ZBTB46: variants seen among roughly 807,000 people sequenced by gnomAD.
ZBTB46 encodes the protein zinc finger and BTB domain-containing protein 46.
In ZBTB46, 8 loss-of-function variants were observed where a neutral mutation model predicts 44.1. The ratio of observed to expected loss-of-function variants is 0.18; its 90% CI spans 0.11 to 0.33. The LOEUF (loss-of-function observed/expected upper bound fraction) is 0.33. Among genes scored for constraint, ZBTB46 ranks in the 10% least tolerant of loss-of-function variants. ZBTB46 has a pLI of 1.00. For missense variants in ZBTB46, 651 were observed against 847.7 expected (o/e 0.77, Z 2.88); for synonymous variants, 409 against 382.3 (o/e 1.07, Z -0.81).
chr20:63,778,647 G>A (rs2092444008), intron 2 of ZBTB46, among the ~76,000 whole-genome samples: 1 of 152,218 alleles, frequency 6.6e-6, no homozygotes, highest in Non-Finnish European at 1.5e-5. Flanking sequence ...CAGGGACAGT[G>A]ACATTCGGAC....
At chr20:63,776,506 A>G (rs1440951786) in intron 2 of ZBTB46, among the ~76,000 whole-genome samples, 1 of 152,222 alleles carries the variant, frequency 6.6e-6, no homozygotes, top group African/African-American at 2.4e-5. Flanking sequence ...TTCAAAGGAT[A>G]CTACCAAGAA....
chr20:63,830,262 G>A (rs1443389742), intron 1 of ZBTB46, among the ~76,000 whole-genome samples: 1 of 152,198 alleles, frequency 6.6e-6, no homozygotes, highest in Admixed American at 6.5e-5. Flanking sequence ...CTCTGGCGCA[G>A]AGAATTCCCC....
At chr20:63,758,605 T>G (rs1426121400) in intron 3 of ZBTB46, among the ~76,000 whole-genome samples, 1 of 152,168 alleles carries the variant, frequency 6.6e-6, no homozygotes, top group East Asian at 1.9e-4. Flanking sequence ...CTAGATCCTT[T>G]GCATCTCCAA....
At chr20:63,796,897 C>T (rs1029965380) in intron 1 of ZBTB46, among the ~76,000 whole-genome samples, 8 of 152,022 alleles carry the variant, frequency 5.3e-5, no homozygotes, top group Admixed American at 1.3e-4. Flanking sequence ...AGGCCAGGCA[C>T]GGTGGCTCAG....
chr20:63,744,366 C>T lies in ZBTB46; in HGVS notation c.*2564G>A, dbSNP rs1287485223. ...CCCAGTGTACAACCTGGTCAGGATC[C>T]AGAGCTTGACAGAAAAATCGTGGTG... On this transcript the variant is annotated 3_prime_UTR_variant, in exon 5 of 5. Coordinates refer to ENST00000245663, the MANE Select transcript of ZBTB46 (RefSeq NM_001369741.1). The T allele has an allele frequency of 6.6e-6, 1 of 152,230 alleles. No individual in the cohort carries two copies. Among genetic ancestry groups the T allele is most frequent in the Non-Finnish European group, 1.5e-5 (1 of 68,066 alleles). The allele number at this position is 152,230 out of a possible 1,614,324, so 9.4% of individuals were successfully genotyped here.
chr20:63,802,690 C>CG (rs2092656058), intron 1 of ZBTB46, among the ~76,000 whole-genome samples: 1 of 139,452 alleles, frequency 7.2e-6, no homozygotes. Flanking sequence ...GGAACCGCCG[C>CG]GGCCGACGAC....
chr20:63,755,586 A>G (rs999867825), intron 3 of ZBTB46, among the ~76,000 whole-genome samples: 4 of 152,218 alleles, frequency 2.6e-5, no homozygotes, highest in Admixed American at 6.5e-5. Flanking sequence ...AAAGAGTCAC[A>G]TCCACAAGCT....
rs1196095338 is a variant in ZBTB46, at chr20:63,746,793, G to A, written c.*137C>T. 1.6e-5 allele frequency: 21 copies of A among 1,317,074 alleles called. No individual in the cohort carries two copies. Among genetic ancestry groups the A allele is most frequent in the Middle Eastern group, 2.7e-4 (1 of 3,654 alleles). 81.6% of individuals were successfully genotyped at this position (1,317,074 alleles called of 1,614,324 possible). The stretch of plus-strand genomic sequence containing the variant: ...CTTAGCCCGCAGGGCTGGTTTCCGT[G>A]GGGGGTGGGTTCAGGGGGAAGCAGA... On this transcript the variant is annotated 3_prime_UTR_variant, in exon 5 of 5. Coordinates refer to ENST00000245663, the MANE Select transcript of ZBTB46 (RefSeq NM_001369741.1).
intron 1 of ZBTB46, among the ~76,000 whole-genome samples, chr20:63,813,125 CA>C (rs1188359765): frequency 6.7e-6 from 1 of 150,006 alleles, no homozygotes; most frequent in Non-Finnish European, 1.5e-5. Context: ...AAACAGGCAT[CA>C]AAATATGAAA....
intron 2 of ZBTB46, among the ~76,000 whole-genome samples, chr20:63,777,396 G>A (rs13042220): frequency 0.1 from 15,318 of 152,258 alleles, 1,199 homozygotes; most frequent in East Asian, 0.44. Context: ...GAGCCTGAGA[G>A]GTTGAGGCTG....
At chr20:63,777,369 C>T (rs1042797067) in intron 2 of ZBTB46, among the ~76,000 whole-genome samples, 9 of 152,198 alleles carry the variant, frequency 5.9e-5, no homozygotes, top group Non-Finnish European at 7.4e-5. Flanking sequence ...CAGGAGGCTG[C>T]GGCGGGAGGA....
upstream of ZBTB46, among the ~76,000 whole-genome samples, chr20:63,833,103 C>T (rs2092860117): frequency 6.6e-6 from 1 of 152,244 alleles, no homozygotes; most frequent in Admixed American, 6.5e-5. Flanking sequence ...CCTAGACAGC[C>T]TCCAAGGAGA....
intron 1 of ZBTB46, among the ~76,000 whole-genome samples, chr20:63,830,148 T>G (rs1022029054): frequency 6.6e-6 from 1 of 152,232 alleles, no homozygotes; most frequent in Non-Finnish European, 1.5e-5. Flanking sequence ...ATCTGGTCTG[T>G]ACCCTGGCTC....
At chr20:63,784,925 CAT>C (rs1215737359) in intron 2 of ZBTB46, among the ~76,000 whole-genome samples, 1 of 152,224 alleles carries the variant, frequency 6.6e-6, no homozygotes, top group Non-Finnish European at 1.5e-5. Flanking sequence ...GACCACTTGA[CAT>C]GTGTCCTTAG....
At chr20:63,754,431 TTTTCTATTAGTTTA>T (rs1449019264) in intron 3 of ZBTB46, among the ~76,000 whole-genome samples, 3 of 152,106 alleles carry the variant, frequency 2.0e-5, no homozygotes, top group African/African-American at 7.2e-5. Context: ...GGAAATGAGT[TTTTCTATTAGTTTA>T]TTTAAAACAG....
At chr20:63,801,315 G>C (rs2092642825) in intron 1 of ZBTB46, among the ~76,000 whole-genome samples, 1 of 152,190 alleles carries the variant, frequency 6.6e-6, no homozygotes, top group Non-Finnish European at 1.5e-5. Flanking sequence ...TCTGTGTCTA[G>C]CTATCTAGTG....
At chr20:63,751,987 C>T (rs775137121) in intron 4 of ZBTB46, among the ~76,000 whole-genome samples, 12 of 152,124 alleles carry the variant, frequency 7.9e-5, no homozygotes, top group Non-Finnish European at 1.3e-4. Flanking sequence ...CACCTCTGCC[C>T]GGAGCCCGGG....
chr20:63,802,095 G>A (rs949704825), intron 1 of ZBTB46, among the ~76,000 whole-genome samples: 1 of 152,002 alleles, frequency 6.6e-6, no homozygotes, highest in Non-Finnish European at 1.5e-5. Context: ...CACCTTATTT[G>A]GAAATAGGTC....
chr20:63,761,781 C>CAA (rs35095876), intron 3 of ZBTB46, among the ~76,000 whole-genome samples: 59,307 of 125,934 alleles, frequency 0.47, 13,860 homozygotes, highest in African/African-American at 0.63. Context: ...GACTCTGCCT[C>CAA]AAAAAAAAAA....
Sources: gnomAD v4.1 joint callset for allele counts (sites outside exome capture counted in the v4.1 genomes callset) on GRCh38, gnomAD v4.1.1 for gene constraint, MANE v1.5 for transcripts, NCBI Gene and HGNC (gene_info 2026-07-23, HGNC 2026-07-21) for gene names.